The following RGS6 variants were observed in gnomAD, a reference collection of about 807,000 sequenced individuals.
RGS6 encodes regulator of G-protein signaling 6.
Under a neutral mutation model 78.5 loss-of-function variants are expected in RGS6, and 30 were observed. The ratio of observed to expected loss-of-function variants is 0.38; its 90% confidence interval spans 0.29 to 0.52. RGS6 has a LOEUF of 0.52. RGS6 is among the 20% of genes least tolerant of loss of function. The probability of loss-of-function intolerance (pLI) is 0.85; values close to 1 mark genes in which losing one functional copy is unlikely to be tolerated. For missense variants in RGS6, 495 were observed against 609.7 expected, an observed-to-expected ratio of 0.81 and a Z score of 1.98; for synonymous variants, 206 against 206.0, an observed-to-expected ratio of 1.00 and a Z score of 0.00.
At chr14:72,601,449 C>A in the RGS6 span, among the ~76,000 whole-genome samples, 2 of 152,162 alleles carry the variant, frequency 1.3e-5, no homozygotes, top group Non-Finnish European at 2.9e-5. Context: ...TGCTCCAGGT[C>A]GGACCTCAGC....
intron 2 of RGS6, among the ~76,000 whole-genome samples, chr14:72,301,497 C>T (rs1296177221): frequency 6.6e-6 from 1 of 152,052 alleles, no homozygotes; most frequent in Non-Finnish European, 1.5e-5. Flanking sequence ...TCCTGTTTCT[C>T]ATTTTCTCTC....
In RGS6 at chr14:71,945,642, A is replaced by G. The variant is rs537374358; in HGVS notation, c.-21+12701A>G. 4.6e-5 allele frequency among the ~76,000 whole-genome samples: 7 copies of G among 152,306 alleles called. No individual in the cohort carries two copies. The East Asian group carries it at 1.4e-3, about 29-fold the overall frequency. On this transcript the variant is annotated intron_variant, in intron 1 of 17. Transcript: ENST00000553525. ...GTCAAGAGAGACCTGGATACCAAAT[A>G]AGATTTCCTTTTTTCTAGAAGCAGA...
At chr14:72,448,676 A>G (rs969946687) in intron 3 of RGS6, among the ~76,000 whole-genome samples, 2 of 152,208 alleles carry the variant, frequency 1.3e-5, no homozygotes, top group African/African-American at 4.8e-5. Context: ...AACAGCTAAT[A>G]ATAGTACCAA....
At chr14:72,105,093 C>T (rs1345452784) in intron 2 of RGS6, among the ~76,000 whole-genome samples, 4 of 152,152 alleles carry the variant, frequency 2.6e-5, no homozygotes, top group Non-Finnish European at 5.9e-5. Flanking sequence ...CAGATCCAGA[C>T]ACCAAGCATG....
chr14:72,216,263 T>C (rs2045542012), intron 2 of RGS6, among the ~76,000 whole-genome samples: 1 of 152,224 alleles, frequency 6.6e-6, no homozygotes, highest in Admixed American at 6.5e-5. Context: ...CAGAGCAGGG[T>C]ATAGCCTTTG....
intron 2 of RGS6, among the ~76,000 whole-genome samples, chr14:72,149,218 T>C (rs150276549): frequency 6.6e-6 from 1 of 152,332 alleles, no homozygotes; most frequent in East Asian, 1.9e-4. Flanking sequence ...GTCACAAGAA[T>C]AAAGTGAGAG....
intron 2 of RGS6, among the ~76,000 whole-genome samples, chr14:72,068,500 T>A (rs2094268446): frequency 1.0e-4 from 2 of 19,410 alleles, no homozygotes; most frequent in Non-Finnish European, 3.2e-4. Flanking sequence ...CTCTTCCTAT[T>A]TTTTTTTTTT....
chr14:72,012,212 AT>A (rs1239378802), intron 2 of RGS6, among the ~76,000 whole-genome samples: 1 of 152,188 alleles, frequency 6.6e-6, no homozygotes, highest in Non-Finnish European at 1.5e-5. Context: ...TTTAAAAAAA[AT>A]TTAGACAAGC....
At chr14:72,046,566 TCTC>T (rs2092854360) in intron 2 of RGS6, among the ~76,000 whole-genome samples, 1 of 151,450 alleles carries the variant, frequency 6.6e-6, no homozygotes, top group Non-Finnish European at 1.5e-5. Flanking sequence ...CCTCTCCCCA[TCTC>T]CTCTTCTTCC....
chr14:72,248,217 C>A (rs537920621), intron 2 of RGS6, among the ~76,000 whole-genome samples: 4 of 152,262 alleles, frequency 2.6e-5, no homozygotes, highest in African/African-American at 9.6e-5. Context: ...TGTGTCAAGG[C>A]ATTTTCCAGA....
intron 2 of RGS6, among the ~76,000 whole-genome samples, chr14:72,001,895 CT>C (rs59274317): frequency 6.4e-3 from 589 of 92,520 alleles, no homozygotes; most frequent in African/African-American, 0.023. Context: ...ATCCATTAAT[CT>C]TTTTTTTTTT....
At chr14:72,476,994 G>T (rs2096255482) in intron 11 of RGS6, 154 bp downstream of exon 11, 1 of 631,072 alleles carries the variant, frequency 1.6e-6, no homozygotes, top group East Asian at 2.8e-5. Context: ...AGTGCTGTGT[G>T]TGAACAAGCC....
intron 3 of RGS6, among the ~76,000 whole-genome samples, chr14:72,431,653 G>A (rs1399929362): frequency 6.6e-6 from 1 of 151,924 alleles, no homozygotes; most frequent in African/African-American, 2.4e-5. Flanking sequence ...ATATTGTATG[G>A]TACTGTAGAG....
intron 9 of RGS6, among the ~76,000 whole-genome samples, chr14:72,474,270 A>AAAAT (rs200560624): frequency 6.6e-6 from 1 of 152,116 alleles, no homozygotes; most frequent in African/African-American, 2.4e-5. Context: ...TTAAAAGCAA[A>AAAAT]AAATAAATAA....
intron 2 of RGS6, among the ~76,000 whole-genome samples, chr14:72,046,274 A>G (rs2092828081): frequency 6.7e-6 from 1 of 148,284 alleles, no homozygotes; most frequent in African/African-American, 2.5e-5. Context: ...ACTTTTTAGC[A>G]TGACACATAC....
At chr14:72,147,306 A>G (rs967187061) in intron 2 of RGS6, among the ~76,000 whole-genome samples, 4 of 152,154 alleles carry the variant, frequency 2.6e-5, no homozygotes, top group African/African-American at 4.8e-5. Context: ...CTCGATACCA[A>G]TTTTTTGTCT....
chr14:72,368,649 C>T (rs188363331), intron 3 of RGS6, among the ~76,000 whole-genome samples: 42 of 152,316 alleles, frequency 2.8e-4, no homozygotes, highest in African/African-American at 1.0e-3. Context: ...CTATCTCTTT[C>T]TCACAAATAG....
At chr14:72,412,419 T>C (rs2093485998) in intron 3 of RGS6, among the ~76,000 whole-genome samples, 1 of 152,200 alleles carries the variant, frequency 6.6e-6, no homozygotes, top group African/African-American at 2.4e-5. Context: ...GATATCCCCT[T>C]TGTCATTTTT....
chr14:72,387,847 G>A (rs1369509364), intron 3 of RGS6, among the ~76,000 whole-genome samples: 1 of 152,138 alleles, frequency 6.6e-6, no homozygotes, highest in Non-Finnish European at 1.5e-5. Context: ...GATCATGGTG[G>A]GGGCAGGGTT....
Sources: allele counts gnomAD v4.1 joint callset (sites outside exome capture counted in the v4.1 genomes callset), GRCh38; gene constraint gnomAD v4.1.1; transcripts MANE v1.5; gene names NCBI Gene and HGNC (gene_info 2026-07-23, HGNC 2026-07-21).